Variants in RICTOR observed in about 807,000 individuals in gnomAD.
RICTOR encodes RPTOR independent companion of MTOR complex 2.
In RICTOR, 49 loss-of-function variants were observed where a neutral mutation model predicts 214.9. That is an observed-to-expected ratio of 0.23 (90% CI 0.18 to 0.29). The LOEUF (loss-of-function observed/expected upper bound fraction) is 0.29. RICTOR is among the 10% of genes least tolerant of loss of function. The pLI is 1.00. For missense variants in RICTOR, 1,625 were observed against 2,047.0 expected, an observed-to-expected ratio of 0.79 and a Z score of 3.98; for synonymous variants, 717 against 711.3, an observed-to-expected ratio of 1.01 and a Z score of -0.13.
chr5:38,952,082 A>G (rs1454524038), intron 30 of RICTOR, 114 bp downstream of exon 30: 1 of 654,882 alleles, frequency 1.5e-6, no homozygotes, highest in Non-Finnish European at 2.7e-6. Flanking sequence ...TTATTGCCAA[A>G]TAATTATCTT....
chr5:38,979,852 T>A (rs1751561765), intron 8 of RICTOR, among the ~76,000 whole-genome samples: 1 of 152,268 alleles, frequency 6.6e-6, no homozygotes, highest in East Asian at 1.9e-4. Context: ...TTTGGATCTT[T>A]GCTTCTGCCA....
rs1747189303 is a variant in RICTOR at position 38,938,326 on chromosome 5, C to T, written c.*3978G>A. ...CTTACCACTTTTCAAAACTAGTTTA[C>T]ACCATTTGTTTTACAATGCAGCTTT... On this transcript the variant is annotated 3_prime_UTR_variant, in exon 38 of 38. Coordinates refer to ENST00000357387, the MANE Select transcript of RICTOR (RefSeq NM_152756.5). 4.4e-6 allele frequency: 1 copy of T among 227,992 alleles called. No individual in the cohort carries two copies. Among genetic ancestry groups the T allele is most frequent in the African/African-American group, 2.2e-5 (1 of 45,044 alleles). The allele number at this position is 227,992 out of a possible 1,614,324, so 14.1% of individuals were successfully genotyped here. A position where few individuals can be genotyped will look rare whatever the true frequency, so the allele number is the denominator to read the frequency against.
intron 29 of RICTOR, 64 bp downstream of exon 29, chr5:38,952,921 C>A (rs1748914508): frequency 3.2e-6 from 3 of 923,742 alleles, no homozygotes; most frequent in South Asian, 1.5e-5. Flanking sequence ...AAATACTTTC[C>A]CCTAACATCC....
chr5:38,985,764 C>T (rs1002044632), intron 7 of RICTOR, among the ~76,000 whole-genome samples: 4 of 151,766 alleles, frequency 2.6e-5, no homozygotes, highest in Admixed American at 6.6e-5. Flanking sequence ...GGCGCAATCT[C>T]GGCTCACTGC....
rs113607892 is a variant in RICTOR at position 38,938,008 on chromosome 5, A to G, written c.*4296T>C. ...GCTTTTAATGCCCTTGACATAAACT[A>G]TACACATTATACAAAAACAAGAAAA... is the stretch of plus-strand genomic sequence containing the variant. On this transcript the variant is annotated 3_prime_UTR_variant, in exon 38 of 38. Transcript: ENST00000357387. 1 of 198,228 alleles carries G rather than the reference A, an allele frequency of 5.0e-6. No individual in the cohort carries two copies. The highest frequency in any genetic ancestry group is 1.0e-5 in the Non-Finnish European group (1 of 95,468). The allele number at this position is 198,228 out of a possible 1,614,324, so 12.3% of individuals were successfully genotyped here.
chr5:39,030,562 A>T (rs1580143379), intron 2 of RICTOR, among the ~76,000 whole-genome samples: 2 of 152,068 alleles, frequency 1.3e-5, no homozygotes, highest in East Asian at 3.9e-4. Flanking sequence ...GTAATTTCTA[A>T]TATTTTCACT....
At chr5:38,978,110 CTT>C (rs1358994702) in intron 9 of RICTOR, among the ~76,000 whole-genome samples, 2 of 151,954 alleles carry the variant, frequency 1.3e-5, no homozygotes, top group Non-Finnish European at 2.9e-5. Flanking sequence ...GAACATGTGC[CTT>C]TCTCTCCAAA....
intron 2 of RICTOR, among the ~76,000 whole-genome samples, chr5:39,071,127 T>C (rs1190271481): frequency 2.6e-5 from 4 of 152,214 alleles, no homozygotes; most frequent in African/African-American, 9.6e-5. Context: ...CTTGCAAGGC[T>C]AGCCAAGTCA....
chr5:39,053,509 TC>T (rs539232543), intron 2 of RICTOR, among the ~76,000 whole-genome samples: 5 of 152,160 alleles, frequency 3.3e-5, no homozygotes, highest in Non-Finnish European at 7.4e-5. Flanking sequence ...TGCTATAGCC[TC>T]TTTAAAAAAT....
At chr5:38,949,211 G>C in intron 31 of RICTOR, 1 of 501,888 alleles carries the variant, frequency 2.0e-6, no homozygotes, top group East Asian at 3.2e-5. Flanking sequence ...TGAGTCATGA[G>C]GACCAAGTAT....
At chr5:39,059,733 G>T (rs376645510) in intron 2 of RICTOR, among the ~76,000 whole-genome samples, 2 of 151,864 alleles carry the variant, frequency 1.3e-5, no homozygotes, top group African/African-American at 4.8e-5. Context: ...CACTTTCTAT[G>T]ATTTTTTTTC....
At position 38,947,324 on chromosome 5, in the gene RICTOR, A is replaced by G. The variant is rs1407802738; in HGVS notation, c.4254T>C (p.Tyr1418=). 6.2e-7 allele frequency: 1 copy of G among 1,613,142 alleles called. No homozygotes were observed. Among genetic ancestry groups the G allele is most frequent in the Non-Finnish European group, 8.5e-7 (1 of 1,179,330 alleles). Residue 1418 remains tyrosine (Y), a synonymous_variant, in exon 32 of 38, where the codon TAT becomes TAC. Coordinates refer to ENST00000357387, the MANE Select transcript of RICTOR (RefSeq NM_152756.5). ...SVRSMVSSAT[Y]GGSDDYIGLA... ...GACCAATGTAATCATCTGAACCCCCATATGTGGCACTGGACACCATGGACC... is the reference window on the plus strand; with the variant it reads ...GACCAATGTAATCATCTGAACCCCCGTATGTGGCACTGGACACCATGGACC...
chr5:39,039,417 A>G (rs1013795205), intron 2 of RICTOR, among the ~76,000 whole-genome samples: 10 of 152,210 alleles, frequency 6.6e-5, no homozygotes, highest in Non-Finnish European at 1.3e-4. Context: ...CAAAGACTTC[A>G]TGTCTAAAAC....
chr5:38,978,413 A>C (rs1377071174), intron 9 of RICTOR, among the ~76,000 whole-genome samples, 170 bp downstream of exon 9: 1 of 152,142 alleles, frequency 6.6e-6, no homozygotes, highest in East Asian at 1.9e-4. Context: ...TCAAAGCTTT[A>C]AATTTTTTAA....
At chr5:38,977,374 C>T (rs1751323843) in intron 9 of RICTOR, among the ~76,000 whole-genome samples, 1 of 152,110 alleles carries the variant, frequency 6.6e-6, no homozygotes. Flanking sequence ...TGTGCAGCAA[C>T]AGAAAACTCA....
At chr5:38,958,963 T>C in intron 22 of RICTOR, 132 bp from the exon 23 acceptor site, 1 of 709,736 alleles carries the variant, frequency 1.4e-6, no homozygotes, top group Non-Finnish European at 2.2e-6. Flanking sequence ...GCCCTTGATA[T>C]GAATACTTTT....
At chr5:38,983,146 T>C (rs1751862719) in intron 7 of RICTOR, among the ~76,000 whole-genome samples, 1 of 152,242 alleles carries the variant, frequency 6.6e-6, no homozygotes, top group African/African-American at 2.4e-5. Flanking sequence ...TTCTCATTTC[T>C]ACCCTTATAG....
At chr5:39,059,328 G>C (rs755909763) in intron 2 of RICTOR, among the ~76,000 whole-genome samples, 9 of 152,048 alleles carry the variant, frequency 5.9e-5, no homozygotes, top group Admixed American at 1.3e-4. Flanking sequence ...ACTAATCTAT[G>C]GCATTAGAGG....
intron 6 of RICTOR, among the ~76,000 whole-genome samples, chr5:38,991,480 C>A (rs1187870802): frequency 6.6e-6 from 1 of 151,998 alleles, no homozygotes; most frequent in African/African-American, 2.4e-5. Context: ...CCATCATCAC[C>A]AAGTCCTACC....
Sources: allele counts gnomAD v4.1 joint callset (sites outside exome capture counted in the v4.1 genomes callset), GRCh38; gene constraint gnomAD v4.1.1; transcripts MANE v1.5; gene names NCBI Gene and HGNC (gene_info 2026-07-23, HGNC 2026-07-21).